ZNF71: variants seen among roughly 807,000 people sequenced by gnomAD.
The protein encoded by ZNF71 is zinc finger protein 71.
In ZNF71, 3 loss-of-function variants were observed where a neutral mutation model predicts 6.7. The observed-to-expected ratio is 0.45, with a 90% confidence interval of 0.20 to 1.16. The LOEUF (loss-of-function observed/expected upper bound fraction) is 1.16. Among genes scored for constraint, ZNF71 ranks in the 50% most tolerant of loss-of-function variants. The probability of loss-of-function intolerance (pLI) is 0.25; values close to 1 mark genes in which losing one functional copy is unlikely to be tolerated. For synonymous variants in ZNF71, 343 were observed against 311.1 expected (o/e 1.10, Z -1.08); for missense variants, 688 against 728.6 (o/e 0.94, Z 0.64).
At position 56,598,327 on chromosome 19, in the gene ZNF71, A is replaced by C. The variant is rs564530448; in HGVS notation, c.-53+2899A>C. ...CCTGGGGCCAAGCATGGGAGAGGGG[A>C]GTAGAGGAGATGGAAGGGGAGAGGC... On this transcript the variant is annotated intron_variant, in intron 1 of 3. Transcript: ENST00000599599. The surrounding 1 kb of genome is among the most constrained non-coding windows in gnomAD (Gnocchi z 4.2). Among the ~76,000 whole-genome samples the C allele has an allele frequency of 6.6e-6, 1 of 151,972 alleles. No individual in the cohort carries two copies. The highest frequency in any genetic ancestry group is 2.0e-4 in the East Asian group (1 of 5,092).
Position 56,622,816 on chromosome 19 carries a change from G to T in ZNF71, c.*59G>T. 1.3e-6 allele frequency: 2 copies of T among 1,537,964 alleles called. No homozygotes were observed. Among genetic ancestry groups the T allele is most frequent in the South Asian group, 1.3e-5 (1 of 78,998 alleles). ...CAGGACGGACGCCAGATGGCTGCGCGCTTTGTCAGCAGTGCTGTGAGAAGT... is the reference window on the plus strand; with the variant it reads ...CAGGACGGACGCCAGATGGCTGCGCTCTTTGTCAGCAGTGCTGTGAGAAGT... On this transcript the variant is annotated 3_prime_UTR_variant, in exon 4 of 4. Coordinates refer to ENST00000599599, the MANE Select transcript of ZNF71 (RefSeq NM_001370215.1).
rs145717868 is a variant in ZNF71 at position 56,608,521 on chromosome 19, G to T, written c.34-5291G>T. ...ATTTTGCTTATCCACTCGTGCTTAC[G>T]TACACTTGGGTTGCTTCCACCTTTT... On this transcript the variant is annotated intron_variant, in intron 2 of 3. Coordinates refer to ENST00000599599, the MANE Select transcript of ZNF71 (RefSeq NM_001370215.1). Among the ~76,000 whole-genome samples the T allele has an allele frequency of 3.7e-3, 566 of 152,090 alleles. 8 individuals carry two copies. Among genetic ancestry groups the T allele is most frequent in the African/African-American group, 0.013 (545 of 41,466 alleles).
chr19:56,595,577 G>A (rs547330283), intron 1 of ZNF71, 149 bp downstream of exon 1: 5 of 159,024 alleles, frequency 3.1e-5, no homozygotes, highest in Non-Finnish European at 5.5e-5. Context: ...CTGACTGGAG[G>A]CTGAGGGGCT....
In ZNF71 at chr19:56,623,609, T is replaced by C. The variant is rs1441379411; in HGVS notation, c.*852T>C. On this transcript the variant is annotated 3_prime_UTR_variant, in exon 4 of 4. Coordinates refer to ENST00000599599, the MANE Select transcript of ZNF71 (RefSeq NM_001370215.1). ...GCACAGATTATTTTTATAGTGATTTTTGCAGCTAAATGTGAAGGCAACTGT... is the reference window on the plus strand; with the variant it reads ...GCACAGATTATTTTTATAGTGATTTCTGCAGCTAAATGTGAAGGCAACTGT... The C allele has an allele frequency of 6.0e-6, 1 of 167,102 alleles. No homozygotes were observed. The highest frequency in any genetic ancestry group is 1.9e-4 in the East Asian group (1 of 5,194). 10.4% of individuals were successfully genotyped at this position (167,102 alleles called of 1,614,324 possible). A position where few individuals can be genotyped will look rare whatever the true frequency, so the allele number is the denominator to read the frequency against.
chr19:56,618,661 C>T lies in ZNF71; in HGVS notation c.161-2607C>T, dbSNP rs60824884. Among the ~76,000 whole-genome samples, 8,366 of 151,640 alleles carry T rather than the reference C, an allele frequency of 0.055. 754 individuals are homozygous for T. Among genetic ancestry groups the T allele is most frequent in the African/African-American group, 0.18 (7,610 of 41,280 alleles). ...GGGAAACAGGCCTGAAGGATAAGGA[C>T]GTCCACGGCAGGTCCACAGGACAGT... On this transcript the variant is annotated intron_variant, in intron 3 of 3. Coordinates refer to ENST00000599599, the MANE Select transcript of ZNF71 (RefSeq NM_001370215.1). The surrounding 1 kb of genome is among the most constrained non-coding windows in gnomAD (Gnocchi z 4.6).
In ZNF71 at chr19:56,621,724, T is replaced by C. The variant is rs1330688775; in HGVS notation, c.617T>C (p.Ile206Thr). 1 of 1,613,756 alleles carries C rather than the reference T, an allele frequency of 6.2e-7. No individual in the cohort carries two copies. Among genetic ancestry groups the C allele is most frequent in the African/African-American group, 1.3e-5 (1 of 74,960 alleles). ...GCCTTTAGCCGAAGCTCGTCCCTGA[T>C]AAAGCACCAAAGGATCCACACGGGA... is the stretch of plus-strand genomic sequence containing the variant. ...GKAFSRSSSL[I>T]KHQRIHTGEK... is the part of the protein sequence containing the mutation. Residue 206 changes from isoleucine (I) to threonine (T), a missense_variant, in exon 4 of 4, where the codon ATA becomes ACA. Coordinates refer to ENST00000599599, the MANE Select transcript of ZNF71 (RefSeq NM_001370215.1).
chr19:56,622,121 CTTCAGCCA>C lies in ZNF71; in HGVS notation c.1015_1022del (p.Phe339GlufsTer260). ...ACGTGTGCCCCGAGTGCGGGCGAGC[CTTCAGCCA>C]GAACATGCACCTGACCGAGCACCAG... On this transcript the variant is annotated frameshift_variant, in exon 4 of 4. Coordinates refer to ENST00000599599, the MANE Select transcript of ZNF71 (RefSeq NM_001370215.1). LOFTEE classifies it low-confidence loss of function (END_TRUNC). 1.2e-6 allele frequency: 2 copies of C among 1,613,514 alleles called. No homozygotes were observed. The highest frequency in any genetic ancestry group is 1.7e-6 in the Non-Finnish European group (2 of 1,179,602).
Position 56,622,713 on chromosome 19 carries a change from A to C in ZNF71, c.1606A>C (p.Ser536Arg), listed in dbSNP as rs771369788. ...ATGCGGCGAGTGCGGGAAGACCTTC[A>C]GCCGCAACACGAACCTGACGCGCCA... ...YRCGECGKTFSRNTNLTRHLR... is the reference protein window; with the variant it reads ...YRCGECGKTFRRNTNLTRHLR... Residue 536 changes from serine to arginine, a missense_variant, in exon 4 of 4, where the codon AGC becomes CGC. Physicochemically the swap from Ser to Arg is moderately radical, Grantham distance 110. Transcript: ENST00000599599. 1 of 1,612,502 alleles carries C rather than the reference A, an allele frequency of 6.2e-7. No individual in the cohort carries two copies. The highest frequency in any genetic ancestry group is 8.5e-7 in the Non-Finnish European group (1 of 1,178,908).
At chr19:56,617,112 G>GTTTTT (rs748784485) in intron 3 of ZNF71, among the ~76,000 whole-genome samples, 6,151 of 139,876 alleles carry the variant, frequency 0.044, 528 homozygotes, top group African/African-American at 0.13. Flanking sequence ...ATTTTCTTTT[G>GTTTTT]TTTTTTTTTG....
Position 56,621,455 on chromosome 19 carries a change from G to A in ZNF71, c.348G>A (p.Trp116Ter). The change falls in exon 4 of 4, where the codon TGG (tryptophan) becomes TGA (stop). Residue 116 changes from tryptophan to a stop codon, truncating the protein, a stop_gained. Coordinates refer to ENST00000599599, the MANE Select transcript of ZNF71 (RefSeq NM_001370215.1). LOFTEE classifies it low-confidence loss of function (END_TRUNC). ...ERPRGDAGAE[W>*]EPLGIPQGNK... is the part of the protein sequence containing the mutation. Reference sequence around the variant, plus strand: ...CGCGGGGAGATGCAGGTGCAGAGTGGGAGCCATTGGGAATTCCCCAGGGGA... The same window carrying A: ...CGCGGGGAGATGCAGGTGCAGAGTGAGAGCCATTGGGAATTCCCCAGGGGA... 2 of 1,613,944 alleles carry A rather than the reference G, an allele frequency of 1.2e-6. No individual in the cohort carries two copies. Among genetic ancestry groups the A allele is most frequent in the Middle Eastern group, 3.3e-4 (2 of 6,062 alleles).
intron 1 of ZNF71, among the ~76,000 whole-genome samples, chr19:56,601,288 GT>G (rs1428480651): frequency 6.6e-6 from 1 of 152,072 alleles, no homozygotes; most frequent in Non-Finnish European, 1.5e-5. Flanking sequence ...GGTAGAAGTA[GT>G]ACCTACCTTC....
chr19:56,599,894 C>T (rs1005877418), intron 1 of ZNF71, among the ~76,000 whole-genome samples: 4 of 151,518 alleles, frequency 2.6e-5, no homozygotes, highest in South Asian at 2.1e-4. Context: ...GGGGTTTCAC[C>T]GTGGTCTTGA....
chr19:56,603,623 A>G lies in ZNF71; in HGVS notation c.33+2032A>G, dbSNP rs1277143289. ...GTCATATGGTTAACTCTGTTGAACC[A>G]GTAAAGGAACCACCAGACTGTTTTC... On this transcript the variant is annotated intron_variant, in intron 2 of 3. Coordinates refer to ENST00000599599, the MANE Select transcript of ZNF71 (RefSeq NM_001370215.1). This position sits in a 1 kb window ranked among gnomAD's most constrained non-coding sequence, Gnocchi z 4.6. Among the ~76,000 whole-genome samples the G allele has an allele frequency of 2.0e-5, 3 of 152,216 alleles. No individual in the cohort carries two copies. Among genetic ancestry groups the G allele is most frequent in the Non-Finnish European group, 4.4e-5 (3 of 68,044 alleles).
intron 1 of ZNF71, among the ~76,000 whole-genome samples, chr19:56,599,884 G>A (rs1047911359): frequency 9.9e-5 from 15 of 151,440 alleles, no homozygotes; most frequent in South Asian, 2.1e-4. Flanking sequence ...TGGTAGAGAC[G>A]GGGTTTCACC....
At chr19:56,612,878 G>A (rs1474673612) in intron 2 of ZNF71, among the ~76,000 whole-genome samples, 1 of 152,160 alleles carries the variant, frequency 6.6e-6, no homozygotes, top group African/African-American at 2.4e-5. Context: ...CATTTTAACT[G>A]ATTTCATCTG....
At position 56,624,090 on chromosome 19, in the gene ZNF71, A is replaced by G. The variant is rs1568511053; in HGVS notation, c.*1333A>G. 6.0e-6 allele frequency: 1 copy of G among 166,760 alleles called. No homozygotes were observed. Among genetic ancestry groups the G allele is most frequent in the Non-Finnish European group, 1.5e-5 (1 of 68,118 alleles). The allele number at this position is 166,760 out of a possible 1,614,324, so 10.3% of individuals were successfully genotyped here. A position where few individuals can be genotyped will look rare whatever the true frequency, so the allele number is the denominator to read the frequency against. ...TTTAGGCCATACTTTTAATTTTGTT[A>G]TTTGATACTACTGGTTGCTAATGTT... On this transcript the variant is annotated 3_prime_UTR_variant, in exon 4 of 4. Coordinates refer to ENST00000599599, the MANE Select transcript of ZNF71 (RefSeq NM_001370215.1).
chr19:56,601,457 C>T, intron 1 of ZNF71, 50 bp from the exon 2 acceptor site: 14 of 846,408 alleles, frequency 1.7e-5, no homozygotes, highest in Non-Finnish European at 2.0e-5. Context: ...TTTGTGAGGC[C>T]AGCCTAGGCC....
rs1303157789 is a variant in ZNF71, at chr19:56,613,619, A to C, written c.34-193A>C. 6.6e-6 allele frequency among the ~76,000 whole-genome samples: 1 copy of C among 152,160 alleles called. No individual in the cohort carries two copies. The highest frequency in any genetic ancestry group is 1.5e-5 in the Non-Finnish European group (1 of 68,040). Reference sequence around the variant, plus strand: ...TGTTTCATATGGGATTTATTTCTCTATCAGAGTGCCAACCCAATATAACTA... The same window carrying C: ...TGTTTCATATGGGATTTATTTCTCTCTCAGAGTGCCAACCCAATATAACTA... On this transcript the variant is annotated intron_variant, in intron 2 of 3. Transcript: ENST00000599599. This position sits in a 1 kb window ranked among gnomAD's most constrained non-coding sequence, Gnocchi z 4.6.
chr19:56,600,800 G>T (rs2044664813), intron 1 of ZNF71, among the ~76,000 whole-genome samples: 1 of 152,160 alleles, frequency 6.6e-6, no homozygotes, highest in African/African-American at 2.4e-5. Flanking sequence ...CTCCACTTGA[G>T]ACTTTATCCT....
Sources: allele counts gnomAD v4.1 joint callset (sites outside exome capture counted in the v4.1 genomes callset), GRCh38; gene constraint gnomAD v4.1.1; non-coding constraint Gnocchi (gnomAD v3.1); transcripts MANE v1.5; gene names NCBI Gene and HGNC (gene_info 2026-07-23, HGNC 2026-07-21).